TNFRSF19: variants seen among roughly 807,000 people sequenced by gnomAD.
TNFRSF19 encodes the protein TNF receptor superfamily member 19.
In TNFRSF19, 27 loss-of-function variants were observed where a neutral mutation model predicts 46.4. That is an observed-to-expected ratio of 0.58 (90% CI 0.43 to 0.80). The LOEUF (loss-of-function observed/expected upper bound fraction) is 0.80. Among genes scored for constraint, TNFRSF19 ranks in the 30% least tolerant of loss-of-function variants. The pLI, the probability that TNFRSF19 is intolerant of heterozygous loss-of-function variation, is 0.00. For missense variants in TNFRSF19, 511 were observed against 530.8 expected (o/e 0.96, Z 0.37); for synonymous variants, 204 against 205.0 (o/e 1.00, Z 0.04).
chr13:23,643,853 A>G (rs1883163731), intron 5 of TNFRSF19, among the ~76,000 whole-genome samples: 1 of 152,242 alleles, frequency 6.6e-6, no homozygotes, highest in Non-Finnish European at 1.5e-5. Flanking sequence ...CTTTTGTTCC[A>G]GGGATAGTCT....
At chr13:23,657,348 G>A (rs1033850902) in intron 5 of TNFRSF19, among the ~76,000 whole-genome samples, 14 of 152,190 alleles carry the variant, frequency 9.2e-5, no homozygotes, top group Non-Finnish European at 1.5e-4. Flanking sequence ...AGTGAGGGGT[G>A]TGTAGCCAGG....
In TNFRSF19 at chr13:23,615,879, G is replaced by T; in HGVS notation, c.193G>T (p.Gly65Cys). 6.2e-7 allele frequency: 1 copy of T among 1,602,440 alleles called. No homozygotes were observed. The highest frequency in any genetic ancestry group is 8.5e-7 in the Non-Finnish European group (1 of 1,173,160). ...TTAATCCCCACAGGAATGTGGCTTCGGCTATGGGGAGGATGCACAGTGTGT... is the reference window on the plus strand; with the variant it reads ...TTAATCCCCACAGGAATGTGGCTTCTGCTATGGGGAGGATGCACAGTGTGT... The part of the protein sequence containing the change: ...GMELSKECGF[G>C]YGEDAQCVTC... Residue 65 changes from glycine to cysteine, a missense_variant, in exon 4 of 10, where the codon GGC (glycine) becomes TGC (cysteine). By Grantham distance (159) the Gly-to-Cys change is radical. Transcript: ENST00000248484.
chr13:23,575,279 G>T (rs534464459), intron 1 of TNFRSF19, among the ~76,000 whole-genome samples: 6 of 152,346 alleles, frequency 3.9e-5, no homozygotes, highest in African/African-American at 1.2e-4. Flanking sequence ...GCTGCAACTT[G>T]TAACAACTTT....
At chr13:23,599,656 A>C (rs936388739) in intron 3 of TNFRSF19, among the ~76,000 whole-genome samples, 4 of 152,174 alleles carry the variant, frequency 2.6e-5, no homozygotes, top group Non-Finnish European at 5.9e-5. Context: ...AAGGAATGTC[A>C]ATAGAAAGGG....
intron 5 of TNFRSF19, among the ~76,000 whole-genome samples, chr13:23,635,251 C>T (rs1464695957): frequency 6.6e-6 from 1 of 151,912 alleles, no homozygotes; most frequent in African/African-American, 2.4e-5. Flanking sequence ...ATTGAGTCAT[C>T]CTACTTGAAA....
chr13:23,635,481 C>T (rs548307868), intron 5 of TNFRSF19, among the ~76,000 whole-genome samples: 34 of 152,164 alleles, frequency 2.2e-4, no homozygotes, highest in African/African-American at 8.2e-4. Context: ...CAGGTTCAAG[C>T]GATTCTTCTG....
intron 1 of TNFRSF19, among the ~76,000 whole-genome samples, chr13:23,577,869 TC>T (rs1182119611): frequency 6.6e-6 from 1 of 152,080 alleles, no homozygotes; most frequent in Non-Finnish European, 1.5e-5. Context: ...CTGTGACTCT[TC>T]AGCCTGACAG....
intron 5 of TNFRSF19, among the ~76,000 whole-genome samples, chr13:23,644,895 A>T (rs1293545782): frequency 2.0e-5 from 3 of 152,218 alleles, no homozygotes; most frequent in Admixed American, 2.0e-4. Flanking sequence ...TAGGAAAAGG[A>T]TGCAAATCCT....
In TNFRSF19 at chr13:23,570,494, T is replaced by A. The variant is rs1041695824; in HGVS notation, c.-389T>A. On this transcript the variant is annotated 5_prime_UTR_variant, in exon 1 of 10. An upstream start codon of the reference 5' UTR is lost. Coordinates refer to ENST00000248484, the MANE Select transcript of TNFRSF19 (RefSeq NM_148957.4). ...CAGATCCAGCCACTCAGCCCAAGCATGGGAGAACTACCAGCATTGCCTCAT... is the reference window on the plus strand; with the variant it reads ...CAGATCCAGCCACTCAGCCCAAGCAAGGGAGAACTACCAGCATTGCCTCAT... 6.6e-6 allele frequency: 1 copy of A among 152,256 alleles called. No individual in the cohort carries two copies. The allele number at this position is 152,256 out of a possible 1,614,324, so 9.4% of individuals were successfully genotyped here.
chr13:23,597,768 A>T (rs1879844470), intron 3 of TNFRSF19, among the ~76,000 whole-genome samples: 1 of 152,216 alleles, frequency 6.6e-6, no homozygotes, highest in African/African-American at 2.4e-5. Flanking sequence ...TCATCCTGAT[A>T]TCAAAACCTG....
chr13:23,613,695 C>G (rs977702242), intron 3 of TNFRSF19, among the ~76,000 whole-genome samples: 2 of 152,154 alleles, frequency 1.3e-5, no homozygotes, highest in African/African-American at 4.8e-5. Flanking sequence ...TGGAGACCAC[C>G]CCCAGAAGGT....
At chr13:23,669,498 C>G in intron 9 of TNFRSF19, 1 of 985,288 alleles carries the variant, frequency 1.0e-6, no homozygotes, top group Non-Finnish European at 1.2e-6. Context: ...CTACTTCATT[C>G]ACTGCCAAGT....
At chr13:23,598,581 T>C (rs1001947065) in intron 3 of TNFRSF19, among the ~76,000 whole-genome samples, 1 of 152,208 alleles carries the variant, frequency 6.6e-6, no homozygotes, top group Non-Finnish European at 1.5e-5. Flanking sequence ...ATGTGTCTTA[T>C]TATTGATCTC....
At position 23,634,241 on chromosome 13, in the gene TNFRSF19, A is replaced by G. The variant is rs201708295; in HGVS notation, c.445+7449A>G. ...TTGAATGCCTTGACTGAGTGAGTTG[A>G]CAGCACCCCTTGAATTGGGAGCTGC... On this transcript the variant is annotated intron_variant, in intron 5 of 9. Coordinates refer to ENST00000248484, the MANE Select transcript of TNFRSF19 (RefSeq NM_148957.4). Among the ~76,000 whole-genome samples the G allele has an allele frequency of 7.9e-5, 12 of 152,320 alleles. No homozygotes were observed. The East Asian group carries it at 2.3e-3, about 29-fold the overall frequency.
At chr13:23,634,278 G>A (rs1012382966) in intron 5 of TNFRSF19, among the ~76,000 whole-genome samples, 33 of 152,196 alleles carry the variant, frequency 2.2e-4, no homozygotes, top group African/African-American at 7.5e-4. Flanking sequence ...CTTCAAAGTC[G>A]CTGTGTGCCT....
At chr13:23,600,864 C>T (rs1261850530) in intron 3 of TNFRSF19, among the ~76,000 whole-genome samples, 3 of 152,248 alleles carry the variant, frequency 2.0e-5, no homozygotes, top group South Asian at 2.1e-4. Context: ...TCCTTCTACC[C>T]AGTGTATCAT....
chr13:23,632,017 G>T (rs1474140628), intron 5 of TNFRSF19, among the ~76,000 whole-genome samples: 1 of 152,178 alleles, frequency 6.6e-6, no homozygotes, highest in East Asian at 1.9e-4. Flanking sequence ...GTTTGTGGAT[G>T]GTTTTTTGTT....
At chr13:23,643,699 A>G (rs1327587940) in intron 5 of TNFRSF19, among the ~76,000 whole-genome samples, 1 of 152,254 alleles carries the variant, frequency 6.6e-6, no homozygotes, top group African/African-American at 2.4e-5. Flanking sequence ...TAGTTAAATC[A>G]GAATTGCCGG....
chr13:23,586,418 G>A (rs903208915), intron 1 of TNFRSF19, among the ~76,000 whole-genome samples: 2 of 152,222 alleles, frequency 1.3e-5, no homozygotes, highest in African/African-American at 2.4e-5. Flanking sequence ...GATTCCAGAA[G>A]ACCTGTGACA....
Sources: gnomAD v4.1 joint callset for allele counts (sites outside exome capture counted in the v4.1 genomes callset) on GRCh38, gnomAD v4.1.1 for gene constraint, MANE v1.5 for transcripts, NCBI Gene and HGNC (gene_info 2026-07-23, HGNC 2026-07-21) for gene names.